The following USP15 variants were observed in gnomAD, a reference collection of about 807,000 sequenced individuals.
USP15 encodes the protein ubiquitin carboxyl-terminal hydrolase 15.
A neutral mutation model predicts 127.1 loss-of-function variants in USP15; 18 were observed. The observed-to-expected ratio is 0.14, with a 90% CI of 0.10 to 0.21. The LOEUF is 0.21. USP15 is among the 10% of genes least tolerant of loss of function. The probability of loss-of-function intolerance (pLI) is 1.00; values close to 1 mark genes in which losing one functional copy is unlikely to be tolerated. For missense variants in USP15, 805 were observed against 1,159.9 expected, an observed-to-expected ratio of 0.69 and a Z score of 4.44; for synonymous variants, 364 against 393.7, an observed-to-expected ratio of 0.92 and a Z score of 0.89.
chr12:62,391,084 T>C (rs1261234455), intron 15 of USP15, 73 bp from the exon 16 acceptor site: 13 of 1,501,160 alleles, frequency 8.7e-6, no homozygotes, highest in Non-Finnish European at 7.1e-6. Flanking sequence ...CCTGGAAACC[T>C]AGGATTAATA....
chr12:62,260,861 C>T (rs1163160481), intron 1 of USP15, among the ~76,000 whole-genome samples: 1 of 152,146 alleles, frequency 6.6e-6, no homozygotes, highest in East Asian at 1.9e-4. Flanking sequence ...GCCGTTTTGA[C>T]AGGTCCCGGT....
intron 6 of USP15, among the ~76,000 whole-genome samples, chr12:62,338,507 T>G (rs1261473955): frequency 6.6e-6 from 1 of 152,196 alleles, no homozygotes; most frequent in Non-Finnish European, 1.5e-5. Context: ...AATTTTGGCT[T>G]TTGTTGTGAT....
intron 8 of USP15, among the ~76,000 whole-genome samples, chr12:62,375,699 A>G (rs1192498116): frequency 1.3e-5 from 2 of 152,204 alleles, no homozygotes; most frequent in African/African-American, 4.8e-5. Context: ...GCAAGAGTGC[A>G]TGCAGTCTCA....
chr12:62,389,443 G>A lies in USP15; in HGVS notation c.1486G>A (p.Val496Ile), dbSNP rs773441666. Reference protein sequence around the residue: ...LTKPMQYKVVVPKIGNILDLC... With the variant: ...LTKPMQYKVVIPKIGNILDLC... ...TTTTGTTTTTTAGTACAAAGTGGTTGTCCCCAAAATTGGAAACATATTAGA... is the reference window on the plus strand; with the variant it reads ...TTTTGTTTTTTAGTACAAAGTGGTTATCCCCAAAATTGGAAACATATTAGA... Residue 496 changes from valine (V) to isoleucine (I), a missense_variant, in exon 12 of 22, where the codon GTC (valine) becomes ATC (isoleucine). Transcript: ENST00000280377. The A allele has an allele frequency of 1.2e-5, 19 of 1,609,726 alleles. No homozygotes were observed. The East Asian group carries it at 4.2e-4, about 36-fold the overall frequency.
At chr12:62,344,704 TTATCCA>T (rs1404546804) in intron 6 of USP15, among the ~76,000 whole-genome samples, 1 of 152,174 alleles carries the variant, frequency 6.6e-6, no homozygotes, top group East Asian at 1.9e-4. Flanking sequence ...TTCTGCCTGG[TTATCCA>T]GGCGTTTCCA....
chr12:62,278,545 C>T (rs2063557768), intron 1 of USP15: 1 of 152,134 alleles, frequency 6.6e-6, no homozygotes, highest in Non-Finnish European at 1.5e-5. Context: ...ATGGCTACAT[C>T]ATTAAGCAAA....
At position 62,407,407 on chromosome 12, in the gene USP15, G is replaced by A. The variant is rs1294789266; in HGVS notation, c.*3032G>A. The A allele has an allele frequency of 6.6e-6, 1 of 152,142 alleles. No individual in the cohort carries two copies. The highest frequency in any genetic ancestry group is 1.5e-5 in the Non-Finnish European group (1 of 68,012). The allele number at this position is 152,142 out of a possible 1,614,324, so 9.4% of individuals were successfully genotyped here. A position where few individuals can be genotyped will look rare whatever the true frequency, so the allele number is the denominator to read the frequency against. ...TGAGATCATGTATTTTATGGGAAGA[G>A]CTTTGTAAACTTTATTACACACTCA... On this transcript the variant is annotated 3_prime_UTR_variant, in exon 22 of 22. Coordinates refer to ENST00000280377, the MANE Select transcript of USP15 (RefSeq NM_001252078.2).
At chr12:62,271,676 T>G (rs572177047) in intron 1 of USP15, among the ~76,000 whole-genome samples, 1 of 152,048 alleles carries the variant, frequency 6.6e-6, no homozygotes, top group African/African-American at 2.4e-5. Flanking sequence ...TCCTTCTTGC[T>G]TCATATATGC....
In USP15 at chr12:62,415,567, CTCACCTCTCTGCCTT is replaced by C. The variant is rs1469400830; in HGVS notation, c.*11204_*11218del. On this transcript the variant is annotated 3_prime_UTR_variant, in exon 22 of 22. Transcript: ENST00000280377. ...AGCCTACCACTTTTGTGCAACTCAC[CTCACCTCTCTGCCTT>C]TCACCTCTCTGTAAACTAGAGCAGC... The C allele has an allele frequency of 6.6e-6, 1 of 152,210 alleles. No individual in the cohort carries two copies. The highest frequency in any genetic ancestry group is 6.5e-5 in the Admixed American group (1 of 15,268). 9.4% of individuals were successfully genotyped at this position (152,210 alleles called of 1,614,324 possible). A position where few individuals can be genotyped will look rare whatever the true frequency, so the allele number is the denominator to read the frequency against.
chr12:62,383,091 G>A (rs1366091080), intron 9 of USP15, among the ~76,000 whole-genome samples: 1 of 151,866 alleles, frequency 6.6e-6, no homozygotes, highest in Non-Finnish European at 1.5e-5. Flanking sequence ...GTGCTTACTA[G>A]GAATGCAAAA....
intron 1 of USP15, among the ~76,000 whole-genome samples, chr12:62,284,030 A>G (rs984556039): frequency 2.6e-5 from 4 of 152,244 alleles, no homozygotes; most frequent in African/African-American, 9.6e-5. Context: ...TAAAATTCAC[A>G]TAGAAAAACT....
In USP15 at chr12:62,268,232, A is replaced by G. The variant is rs375014637; in HGVS notation, c.89+7729A>G. On this transcript the variant is annotated intron_variant, in intron 1 of 21. Transcript: ENST00000280377. ...TACAGAAACTGGGATAGTTAAATGT[A>G]TATGGTCATAACACTTAGTCAGTGG... 3.9e-5 allele frequency among the ~76,000 whole-genome samples: 6 copies of G among 151,950 alleles called. No individual in the cohort carries two copies. In the East Asian group the frequency reaches 9.6e-4, roughly 24 times the overall value.
intron 20 of USP15, 25 bp from the exon 21 acceptor site, chr12:62,401,162 A>G (rs765642306): frequency 1.3e-6 from 2 of 1,565,282 alleles, no homozygotes. Context: ...CATTTTCGTC[A>G]CAGTGATTAT....
At chr12:62,321,350 A>T in intron 4 of USP15, 114 bp from the exon 5 acceptor site, 2 of 600,860 alleles carry the variant, frequency 3.3e-6, no homozygotes, top group Non-Finnish European at 5.1e-6. Context: ...TTACATATTT[A>T]GTCTTGATTT....
intron 8 of USP15, among the ~76,000 whole-genome samples, chr12:62,359,417 G>A (rs1355225795): frequency 6.6e-6 from 1 of 152,070 alleles, no homozygotes; most frequent in East Asian, 1.9e-4. Context: ...GAAAATAATA[G>A]TACCCTATCT....
At chr12:62,295,201 G>A (rs1291184805) in intron 2 of USP15, among the ~76,000 whole-genome samples, 3 of 152,084 alleles carry the variant, frequency 2.0e-5, no homozygotes, top group Admixed American at 1.3e-4. Flanking sequence ...TAAGAAAACT[G>A]CCCAAGGTCA....
chr12:62,341,310 A>G (rs2065641090), intron 6 of USP15, among the ~76,000 whole-genome samples: 1 of 152,106 alleles, frequency 6.6e-6, no homozygotes, highest in Non-Finnish European at 1.5e-5. Flanking sequence ...AAGCACACCA[A>G]TGGGTCTTGA....
chr12:62,261,540 TCA>T (rs775067985), intron 1 of USP15, among the ~76,000 whole-genome samples: 11 of 152,306 alleles, frequency 7.2e-5, no homozygotes, highest in African/African-American at 2.4e-4. Flanking sequence ...CTGAGTTATG[TCA>T]CAGTTTCACC....
chr12:62,308,652 A>G (rs1401443772), intron 3 of USP15, among the ~76,000 whole-genome samples: 1 of 152,174 alleles, frequency 6.6e-6, no homozygotes, highest in Non-Finnish European at 1.5e-5. Context: ...ATTAACCACC[A>G]TAACCTAATT....
Sources: gnomAD v4.1 joint callset for allele counts (sites outside exome capture counted in the v4.1 genomes callset) on GRCh38, gnomAD v4.1.1 for gene constraint, MANE v1.5 for transcripts, NCBI Gene and HGNC (gene_info 2026-07-23, HGNC 2026-07-21) for gene names.